The following SYNE2 variants were observed in gnomAD, a reference collection of about 807,000 sequenced individuals.
SYNE2 encodes spectrin repeat containing nuclear envelope protein 2, also known as nesprin-2.
Under a neutral mutation model 856.3 loss-of-function variants are expected in SYNE2, and 431 were observed. That is an observed-to-expected ratio of 0.50 (90% confidence interval 0.47 to 0.55). The LOEUF (loss-of-function observed/expected upper bound fraction) is 0.55, where lower values mean the gene tolerates loss of function less well. SYNE2 is among the 20% of genes least tolerant of loss of function. The probability of loss-of-function intolerance (pLI) is 0.00; values close to 1 mark genes in which losing one functional copy is unlikely to be tolerated. For synonymous variants in SYNE2, 2,923 were observed against 2,872.3 expected (o/e 1.02, Z -0.56); for missense variants, 8,129 against 8,023.2 (o/e 1.01, Z -0.50).
chr14:64,223,943 T>C (rs1276696113), intron 113 of SYNE2, among the ~76,000 whole-genome samples: 1 of 152,124 alleles, frequency 6.6e-6, no homozygotes, highest in African/African-American at 2.4e-5. Flanking sequence ...CCCAGCTCTG[T>C]GCTATGGGTT....
chr14:63,827,625 C>CAAAAAAAAAAAAAAAAAAAA (rs11334415), intron 1 of SYNE2, among the ~76,000 whole-genome samples: 10 of 28,400 alleles, frequency 3.5e-4, no homozygotes, highest in Non-Finnish European at 5.0e-4. Flanking sequence ...AACTCTGTCT[C>CAAAAAAAAAAAAAAAAAAAA]AAAAAAAAAA....
At chr14:63,899,078 A>G (rs2095299976) in intron 1 of SYNE2, among the ~76,000 whole-genome samples, 1 of 152,218 alleles carries the variant, frequency 6.6e-6, no homozygotes, top group Non-Finnish European at 1.5e-5. Flanking sequence ...CTGTCTCTAT[A>G]AAGTTTGATG....
chr14:64,180,019 C>T (rs111321490), intron 96 of SYNE2, among the ~76,000 whole-genome samples: 61 of 152,310 alleles, frequency 4.0e-4, no homozygotes, highest in South Asian at 1.9e-3. Flanking sequence ...TTCACATTCA[C>T]ATCTTTATTC....
At chr14:64,205,719 A>G (rs1042724856) in intron 100 of SYNE2, among the ~76,000 whole-genome samples, 7 of 152,162 alleles carry the variant, frequency 4.6e-5, no homozygotes, top group African/African-American at 1.7e-4. Flanking sequence ...GGAATATATC[A>G]TCTTTAAAAT....
chr14:64,024,147 C>A, intron 38 of SYNE2, 110 bp from the exon 39 acceptor site: 2 of 864,726 alleles, frequency 2.3e-6, no homozygotes, highest in Non-Finnish European at 3.8e-6. Context: ...CGTATAGGAT[C>A]TTAAGAAGGT....
chr14:63,855,140 T>C (rs1425995230), intron 1 of SYNE2, among the ~76,000 whole-genome samples: 1 of 152,204 alleles, frequency 6.6e-6, no homozygotes, highest in Non-Finnish European at 1.5e-5. Context: ...TTTTACCTTT[T>C]TCATCTATAA....
intron 59 of SYNE2, among the ~76,000 whole-genome samples, chr14:64,089,897 A>G (rs925403413): frequency 1.3e-5 from 2 of 152,216 alleles, no homozygotes; most frequent in African/African-American, 4.8e-5. Context: ...ATTTTCCTAT[A>G]GGTTATTTTT....
chr14:64,038,726 G>A (rs189279531), intron 45 of SYNE2, among the ~76,000 whole-genome samples: 4 of 152,350 alleles, frequency 2.6e-5, no homozygotes, highest in African/African-American at 9.6e-5. Flanking sequence ...GCCTGCAATC[G>A]CAGGCATTCA....
In SYNE2 at chr14:64,136,281, C is replaced by T. The variant is rs565091477; in HGVS notation, c.14647-1506C>T. Among the ~76,000 whole-genome samples the T allele has an allele frequency of 9.2e-5, 10 of 108,980 alleles. 1 individual carries two copies. The South Asian group carries it at 2.2e-3, about 25-fold the overall frequency. The allele number at this position is 108,980 out of a possible 152,430, so 71.5% of individuals were successfully genotyped here. On this transcript the variant is annotated intron_variant, in intron 78 of 115. Transcript: ENST00000555002. ...CTCCAGCCTGGGTGACAGAGCGAGA[C>T]TTCATCTCAAAAAAAAAAAAAAAAA...
rs1152593 is a variant in SYNE2 at position 64,209,177 on chromosome 14, C to T, written c.18389+232C>T. The T allele has an allele frequency of 0.42, 336,857 of 804,372 alleles. 77,068 individuals carry two copies. Among genetic ancestry groups the T allele is most frequent in the African/African-American group, 0.77 (44,580 of 58,132 alleles). The allele number at this position is 804,372 out of a possible 1,614,324, so 49.8% of individuals were successfully genotyped here. A position where few individuals can be genotyped will look rare whatever the true frequency, so the allele number is the denominator to read the frequency against. On this transcript the variant is annotated intron_variant, in intron 101 of 115. Coordinates refer to ENST00000555002, the MANE Select transcript of SYNE2 (RefSeq NM_182914.3). The stretch of plus-strand genomic sequence containing the variant: ...GGCTGTGGACTGGCCGCTGTGCTTC[C>T]GTTGACCTAGCTGGGCAGTAGTGGA...
chr14:64,142,211 T>C (rs1411232290), intron 82 of SYNE2, 123 bp downstream of exon 82: 1 of 1,142,678 alleles, frequency 8.8e-7, no homozygotes, highest in South Asian at 1.3e-5. Context: ...GGTAGGAAAC[T>C]GGGGTGGTGG....
chr14:64,169,035 G>A, intron 93 of SYNE2, 64 bp downstream of exon 93: 3 of 1,296,792 alleles, frequency 2.3e-6, no homozygotes, highest in African/African-American at 1.5e-5. Flanking sequence ...AGTCAGGGCA[G>A]GCTTTCCACC....
chr14:64,158,523 C>T lies in SYNE2; in HGVS notation c.15793-102C>T, dbSNP rs1463379970. 1.7e-5 allele frequency: 22 copies of T among 1,275,384 alleles called. No individual in the cohort carries two copies. The East Asian group carries it at 4.8e-4, about 28-fold the overall frequency. 79.0% of individuals were successfully genotyped at this position (1,275,384 alleles called of 1,614,324 possible). Reference sequence around the variant, plus strand: ...GTTAATCACTGGTGATCCTTCAATACTCTCAAATTGAAATGCCTAAATTGG... The same window carrying T: ...GTTAATCACTGGTGATCCTTCAATATTCTCAAATTGAAATGCCTAAATTGG... On this transcript the variant is annotated intron_variant, in intron 85 of 115. Coordinates refer to ENST00000555002, the MANE Select transcript of SYNE2 (RefSeq NM_182914.3).
At chr14:63,948,104 A>T (rs1461668766) in intron 6 of SYNE2, among the ~76,000 whole-genome samples, 1 of 151,992 alleles carries the variant, frequency 6.6e-6, no homozygotes, top group African/African-American at 2.4e-5. Flanking sequence ...TATAAATTTT[A>T]TGAATAACTT....
intron 27 of SYNE2, among the ~76,000 whole-genome samples, chr14:64,000,342 C>G (rs564850003): frequency 6.6e-6 from 1 of 152,288 alleles, no homozygotes; most frequent in South Asian, 2.1e-4. Context: ...CTTGTCGACT[C>G]CCTTGACTTT....
intron 1 of SYNE2, among the ~76,000 whole-genome samples, chr14:63,896,880 A>C (rs1312309284): frequency 6.6e-6 from 1 of 151,908 alleles, no homozygotes; most frequent in Non-Finnish European, 1.5e-5. Context: ...TTTGCCCTCC[A>C]CTCTGTGAAG....
intron 8 of SYNE2, among the ~76,000 whole-genome samples, chr14:63,956,979 C>A (rs2096248560): frequency 6.6e-6 from 1 of 152,144 alleles, no homozygotes; most frequent in Non-Finnish European, 1.5e-5. Context: ...ACCCCTAACC[C>A]CCCCATGCCC....
rs1416871803 is a variant in SYNE2 at position 64,212,812 on chromosome 14, G to A, written c.18863G>A (p.Gly6288Asp). ...CCTTTCTTTCTCCTCTCTCAACAGG[G>A]CTTCCAACAGGAAATTACATTAAAT... ...DADDKMRQLN[G>D]FQQEITLNTN... The change falls in exon 105 of 116, where the codon GGC (glycine) becomes GAC (aspartate). Residue 6288 changes from glycine to aspartate, a missense_variant and splice_region_variant. Gly to Asp is a moderately conservative substitution (Grantham distance 94). Around this residue, in one of 3 missense-constraint regions of SYNE2, gnomAD observed 5,410 missense variants for 5,284.8 expected, o/e 1.02. Coordinates refer to ENST00000555002, the MANE Select transcript of SYNE2 (RefSeq NM_182914.3). The A allele has an allele frequency of 8.1e-6, 13 of 1,614,036 alleles. No homozygotes were observed. The highest frequency in any genetic ancestry group is 1.1e-5 in the Non-Finnish European group (13 of 1,179,980).
intron 1 of SYNE2, among the ~76,000 whole-genome samples, chr14:63,779,438 T>TC (rs1555337542): frequency 2.8e-5 from 2 of 71,820 alleles, no homozygotes; most frequent in Non-Finnish European, 6.3e-5. Flanking sequence ...TTGACTGGTC[T>TC]CAAAAAAAAA....
Sources: gnomAD v4.1 joint callset for allele counts (sites outside exome capture counted in the v4.1 genomes callset) on GRCh38, gnomAD v4.1.1 for gene constraint, gnomAD v4.1.1 regional missense constraint, MANE v1.5 for transcripts, NCBI Gene and HGNC (gene_info 2026-07-23, HGNC 2026-07-21) for gene names.